The following CCDC27 variants were observed in gnomAD, a reference collection of about 807,000 sequenced individuals.
CCDC27 encodes the protein coiled-coil domain-containing protein 27.
A neutral mutation model predicts 80.3 loss-of-function variants in CCDC27; 80 were observed. The ratio of observed to expected loss-of-function variants is 1.00; its 90% CI spans 0.83 to 1.20. CCDC27 has a LOEUF of 1.20. Among genes scored for constraint, CCDC27 ranks in the 50% most tolerant of loss-of-function variants. CCDC27 has a pLI of 0.00. For synonymous variants in CCDC27, 342 were observed against 334.3 expected (o/e 1.02, Z -0.25); for missense variants, 815 against 809.4 (o/e 1.01, Z -0.08).
chr1:3,762,311 G>A (rs1643106960), intron 5 of CCDC27, among the ~76,000 whole-genome samples: 1 of 152,134 alleles, frequency 6.6e-6, no homozygotes, highest in Non-Finnish European at 1.5e-5. Context: ...CTGAGGGTGG[G>A]CCACCCAGGC....
At chr1:3,758,271 C>T (rs897655162) in intron 4 of CCDC27, among the ~76,000 whole-genome samples, 1 of 152,104 alleles carries the variant, frequency 6.6e-6, no homozygotes, top group African/African-American at 2.4e-5. Flanking sequence ...TCGCTGCCAC[C>T]TCTGCCTCCC....
At chr1:3,764,104 G>A (rs181158845) in intron 8 of CCDC27, among the ~76,000 whole-genome samples, 3 of 152,290 alleles carry the variant, frequency 2.0e-5, no homozygotes, top group East Asian at 1.9e-4. Flanking sequence ...CTCCTGAGCC[G>A]CTGTGCTCTT....
chr1:3,763,111 C>T lies in CCDC27; in HGVS notation c.958C>T (p.Gln320Ter), dbSNP rs1643128773. 2 of 1,474,226 alleles carry T rather than the reference C, an allele frequency of 1.4e-6. No homozygotes were observed. Among genetic ancestry groups the T allele is most frequent in the East Asian group, 4.8e-5 (2 of 41,482 alleles). 91.3% of individuals were successfully genotyped at this position (1,474,226 alleles called of 1,614,324 possible). Residue 320 changes from glutamine (Q) to a stop codon, truncating the protein, a stop_gained, in exon 7 of 12, where the codon CAG becomes TAG. Coordinates refer to ENST00000294600, the MANE Select transcript of CCDC27 (RefSeq NM_152492.3). LOFTEE classifies it high-confidence loss of function. This position sits in a 1 kb window ranked among gnomAD's most constrained non-coding sequence, Gnocchi z 7.5. ...CCCTGCCCTACCCATCTTACAGATG[C>T]AGGAGGAGTCTGCGGCACCGGAGAG... ...EEELQHWWQM[Q>*]EESAAPERGK... is the part of the protein sequence containing the mutation.
rs1199016434 is a variant in CCDC27, at chr1:3,769,318, A to C, written c.1744-465A>C. Among the ~76,000 whole-genome samples, 1 of 152,052 alleles carries C rather than the reference A, an allele frequency of 6.6e-6. No homozygotes were observed. Among genetic ancestry groups the C allele is most frequent in the Non-Finnish European group, 1.5e-5 (1 of 67,982 alleles). ...GCTGTCCATGGCACAGACACCTCCT[A>C]GTCAGCATGGAAAGGAGGAAGCACC... On this transcript the variant is annotated intron_variant, in intron 10 of 11. Transcript: ENST00000294600. The surrounding 1 kb of genome is among the most constrained non-coding windows in gnomAD (Gnocchi z 4.6).
chr1:3,767,666 T>C (rs1570720189), intron 10 of CCDC27, among the ~76,000 whole-genome samples: 1 of 152,346 alleles, frequency 6.6e-6, no homozygotes, highest in Middle Eastern at 3.4e-3. Context: ...TGTTCGTCAA[T>C]GGCAGTGGTG....
At position 3,767,313 on chromosome 1, in the gene CCDC27, GGA is replaced by G. The variant is rs1643249514; in HGVS notation, c.1613_1614del (p.Glu538AlafsTer50). ...TGGACACCAAGGTCAGCCAGCTGCA[GGA>G]GCAGGTGGAACTGGACCAGAACCAC... Reference protein sequence around the residue: ...ELDTKVSQLQEQVELDQNHLQ... With the variant: ...ELDTKVSQLQXQVELDQNHLQ... On this transcript the variant is annotated frameshift_variant, in exon 10 of 12. Transcript: ENST00000294600. LOFTEE classifies it high-confidence loss of function. The G allele has an allele frequency of 6.2e-7, 1 of 1,613,946 alleles. No homozygotes were observed. Among genetic ancestry groups the G allele is most frequent in the Admixed American group, 1.7e-5 (1 of 60,004 alleles).
rs1396194785 is a variant in CCDC27 at position 3,763,712 on chromosome 1, T to C, written c.1328T>C (p.Ile443Thr). 2.5e-6 allele frequency: 4 copies of C among 1,613,960 alleles called. No homozygotes were observed. The highest frequency in any genetic ancestry group is 2.2e-5 in the South Asian group (2 of 91,078). The part of the protein sequence containing the change: ...RTRYSLATGV[I>T]ASLQQQVDFQ... ...CCTCTGCCTCTGTGCCCAGGAGTGATTGCGTCTTTACAACAACAAGTGGAT... is the reference window on the plus strand; with the variant it reads ...CCTCTGCCTCTGTGCCCAGGAGTGACTGCGTCTTTACAACAACAAGTGGAT... The change falls in exon 8 of 12, where the codon ATT (isoleucine) becomes ACT (threonine). Residue 443 changes from isoleucine (I) to threonine (T), a missense_variant. Ile to Thr is a moderately conservative substitution (Grantham distance 89). Transcript: ENST00000294600. The surrounding 1 kb of genome is among the most constrained non-coding windows in gnomAD (Gnocchi z 7.5).
chr1:3,752,978 C>A (rs147845015), intron 1 of CCDC27, among the ~76,000 whole-genome samples, 179 bp downstream of exon 1: 1 of 152,220 alleles, frequency 6.6e-6, no homozygotes, highest in African/African-American at 2.4e-5. Flanking sequence ...AAGAGCCCTG[C>A]GGTCCTCTCC....
chr1:3,764,970 G>C (rs886732584), intron 8 of CCDC27, among the ~76,000 whole-genome samples: 1 of 151,166 alleles, frequency 6.6e-6, no homozygotes, highest in South Asian at 2.1e-4. Context: ...AGGAGAAGGA[G>C]GTTGCAGTGA....
intron 8 of CCDC27, among the ~76,000 whole-genome samples, chr1:3,765,150 G>C (rs1203009563): frequency 6.6e-6 from 1 of 151,924 alleles, no homozygotes; most frequent in Admixed American, 6.6e-5. Context: ...ATTCCTGTTT[G>C]AAAACCATTT....
In CCDC27 at chr1:3,761,202, C is replaced by G; in HGVS notation, c.712-79C>G. On this transcript the variant is annotated intron_variant, in intron 4 of 11. Coordinates refer to ENST00000294600, the MANE Select transcript of CCDC27 (RefSeq NM_152492.3). The surrounding 1 kb of genome is among the most constrained non-coding windows in gnomAD (Gnocchi z 5.0). ...TACCACGACAGCAGATCTGCTCCTC[C>G]TGGGTGGGCTGGAGGCAGGTCAGGG... 1 of 1,545,364 alleles carries G rather than the reference C, an allele frequency of 6.5e-7. No homozygotes were observed. The highest frequency in any genetic ancestry group is 8.8e-7 in the Non-Finnish European group (1 of 1,139,348).
In CCDC27 at chr1:3,769,785, C is replaced by G. The variant is rs764504424; in HGVS notation, c.1746C>G (p.Leu582=). The change falls in exon 11 of 12, where the codon CTC becomes CTG. Residue 582 remains leucine (L), a splice_region_variant and synonymous_variant. Transcript: ENST00000294600. The surrounding 1 kb of genome is among the most constrained non-coding windows in gnomAD (Gnocchi z 4.6). The part of the protein sequence containing the change: ...RVALESSQSR[L]ERLRNKIIQA... ...TAGTGTTGTCCCTTTGCTCACAGCTCGAGAGGTTAAGGAATAAGATCATCC... is the reference window on the plus strand; with the variant it reads ...TAGTGTTGTCCCTTTGCTCACAGCTGGAGAGGTTAAGGAATAAGATCATCC... The G allele has an allele frequency of 5.0e-6, 8 of 1,612,842 alleles. No homozygotes were observed. The highest frequency in any genetic ancestry group is 1.3e-5 in the African/African-American group (1 of 74,804).
At chr1:3,755,355 G>C in intron 2 of CCDC27, 102 bp from the exon 3 acceptor site, 1 of 993,608 alleles carries the variant, frequency 1.0e-6, no homozygotes, top group Non-Finnish European at 1.6e-6. Context: ...AAAGCCACCT[G>C]TGTCCCTACC....
chr1:3,757,465 G>A (rs889954392), intron 4 of CCDC27, among the ~76,000 whole-genome samples: 8 of 151,142 alleles, frequency 5.3e-5, no homozygotes, highest in Non-Finnish European at 1.2e-4. Context: ...TTTTGAGACA[G>A]GGTCTCACTC....
intron 4 of CCDC27, 89 bp downstream of exon 4, chr1:3,756,979 G>C (rs1361092678): frequency 2.7e-6 from 4 of 1,454,752 alleles, no homozygotes; most frequent in Middle Eastern, 2.5e-4. Context: ...ACAGGCTCTG[G>C]TTCTAGTATC....
chr1:3,756,790 G>A lies in CCDC27; in HGVS notation c.611G>A (p.Arg204Lys), dbSNP rs751138254. 16 of 1,613,976 alleles carry A rather than the reference G, an allele frequency of 9.9e-6. No homozygotes were observed. Among genetic ancestry groups the A allele is most frequent in the Non-Finnish European group, 1.4e-5 (16 of 1,180,028 alleles). Residue 204 changes from arginine to lysine, a missense_variant, in exon 4 of 12, where the codon AGA (arginine) becomes AAA (lysine). By Grantham distance (26) the Arg-to-Lys change is conservative. Coordinates refer to ENST00000294600, the MANE Select transcript of CCDC27 (RefSeq NM_152492.3). ...ICEFDYLRKR[R>K]KSQTLSPVTS... ...GAGTTCGATTACTTGCGGAAGAGGA[G>A]AAAATCCCAGACTTTGAGTCCGGTC...
At chr1:3,759,499 CCTT>C (rs1326890724) in intron 4 of CCDC27, among the ~76,000 whole-genome samples, 7 of 152,192 alleles carry the variant, frequency 4.6e-5, no homozygotes, top group African/African-American at 1.7e-4. Context: ...ATTTTAATAA[CCTT>C]CTCTTAGAAT....
rs370174814 is a variant in CCDC27 at position 3,769,917 on chromosome 1, C to T, written c.1848+30C>T. ...ACCCCTAAGCTCAGCTGCCTCTATC[C>T]GGGCCCCAGACCCCCAGGCCAGAGC... On this transcript the variant is annotated intron_variant, in intron 11 of 11. Coordinates refer to ENST00000294600, the MANE Select transcript of CCDC27 (RefSeq NM_152492.3). The surrounding 1 kb of genome is among the most constrained non-coding windows in gnomAD (Gnocchi z 4.6). The T allele has an allele frequency of 8.5e-5, 132 of 1,551,060 alleles. No homozygotes were observed. The highest frequency in any genetic ancestry group is 1.1e-4 in the Non-Finnish European group (125 of 1,122,700).
rs1014014407 is a variant in CCDC27 at position 3,763,321 on chromosome 1, C to G, written c.1168C>G (p.Pro390Ala). ...RDEDSEEREL[P>A]EEEEIPRRRA... ...TGAGGACTCAGAGGAAAGGGAGCTG[C>G]CGGAGGAAGAGGAGATCCCCAGGAG... Residue 390 changes from proline to alanine, a missense_variant, in exon 7 of 12, where the codon CCG becomes GCG. Transcript: ENST00000294600. The surrounding 1 kb of genome is among the most constrained non-coding windows in gnomAD (Gnocchi z 7.5). 6 of 1,611,632 alleles carry G rather than the reference C, an allele frequency of 3.7e-6. No individual in the cohort carries two copies. The highest frequency in any genetic ancestry group is 1.7e-5 in the Admixed American group (1 of 59,558).
Sources: gnomAD v4.1 joint callset for allele counts (sites outside exome capture counted in the v4.1 genomes callset) on GRCh38, gnomAD v4.1.1 for gene constraint, Gnocchi (gnomAD v3.1) non-coding constraint, MANE v1.5 for transcripts, NCBI Gene and HGNC (gene_info 2026-07-23, HGNC 2026-07-21) for gene names.